The following CELF2 variants were observed in gnomAD, a reference collection of about 807,000 sequenced individuals.
CELF2 encodes the protein CUG triplet repeat RNA-binding protein 2.
CELF2 carries 8 observed loss-of-function variants against 62.6 expected under a neutral mutation model. That is an observed-to-expected ratio of 0.13 (90% CI 0.07 to 0.23). The LOEUF is 0.23. CELF2 is among the 10% of genes least tolerant of loss of function. CELF2 has a pLI of 1.00. For missense variants in CELF2, 333 were observed against 671.0 expected (o/e 0.50, Z 5.56); for synonymous variants, 258 against 250.0 (o/e 1.03, Z -0.30).
the CELF2 span, among the ~76,000 whole-genome samples, chr10:10,778,495 AAAAT>A: frequency 1.3e-5 from 2 of 152,244 alleles, no homozygotes; most frequent in East Asian, 1.9e-4. Flanking sequence ...GGGAGCTCAA[AAAAT>A]AAATAAAGTC....
At chr10:10,940,413 G>T (rs1417749269) in intron 2 of CELF2, among the ~76,000 whole-genome samples, 10 of 152,176 alleles carry the variant, frequency 6.6e-5, no homozygotes, top group Non-Finnish European at 1.5e-4. Flanking sequence ...CCTTTGTCAT[G>T]CAGGGAAAGG....
chr10:11,201,479 A>G (rs931962950), intron 2 of CELF2, among the ~76,000 whole-genome samples: 2 of 152,186 alleles, frequency 1.3e-5, no homozygotes, highest in Non-Finnish European at 2.9e-5. Flanking sequence ...GAAAGAAAGT[A>G]TGGAGGACTC....
chr10:10,463,415 G>T, the CELF2 span, among the ~76,000 whole-genome samples: 2 of 152,158 alleles, frequency 1.3e-5, no homozygotes, highest in Non-Finnish European at 2.9e-5. Flanking sequence ...AGACATTTCA[G>T]AATGTGTGAC....
the CELF2 span, among the ~76,000 whole-genome samples, chr10:10,741,188 T>A: frequency 6.6e-6 from 1 of 152,172 alleles, no homozygotes; most frequent in South Asian, 2.1e-4. Context: ...TCATGTTGTA[T>A]ACCTTAAATA....
At chr10:10,698,637 TC>T in the CELF2 span, among the ~76,000 whole-genome samples, 1 of 152,198 alleles carries the variant, frequency 6.6e-6, no homozygotes, top group African/African-American at 2.4e-5. Flanking sequence ...CACGTTTTGG[TC>T]TCAACTACTT....
chr10:10,985,485 C>T (rs2052639363), intron 2 of CELF2, among the ~76,000 whole-genome samples: 1 of 152,114 alleles, frequency 6.6e-6, no homozygotes, highest in African/African-American at 2.4e-5. Context: ...TTGTAAGACA[C>T]CCAACACAGA....
chr10:11,254,986 A>G (rs756684880), intron 4 of CELF2, among the ~76,000 whole-genome samples: 1 of 152,108 alleles, frequency 6.6e-6, no homozygotes, highest in Non-Finnish European at 1.5e-5. Context: ...CTCCCCCACC[A>G]GAATCCTCCC....
chr10:10,956,407 A>G (rs924185767), intron 2 of CELF2, among the ~76,000 whole-genome samples: 1 of 152,078 alleles, frequency 6.6e-6, no homozygotes, highest in African/African-American at 2.4e-5. Context: ...CTCCCTTTTT[A>G]GCAGTTATTT....
chr10:11,104,174 G>T (rs1220040172), intron 1 of CELF2, among the ~76,000 whole-genome samples: 1 of 152,160 alleles, frequency 6.6e-6, no homozygotes, highest in African/African-American at 2.4e-5. Flanking sequence ...ATATTTGGAG[G>T]AAGGTAATTT....
intron 1 of CELF2, among the ~76,000 whole-genome samples, chr10:11,131,170 G>A (rs1200984799): frequency 6.6e-6 from 1 of 152,164 alleles, no homozygotes; most frequent in Non-Finnish European, 1.5e-5. Flanking sequence ...ATTGAATTGG[G>A]CGTGATATCG....
chr10:10,827,082 A>G (rs1169131943), intron 1 of CELF2, among the ~76,000 whole-genome samples: 1 of 147,694 alleles, frequency 6.8e-6, no homozygotes, highest in Non-Finnish European at 1.5e-5. Flanking sequence ...TGGAAATTTT[A>G]TTGAGATCAA....
chr10:10,798,945 A>C, intron 1 of CELF2: 1 of 397,154 alleles, frequency 2.5e-6, no homozygotes, highest in Non-Finnish European at 4.4e-6. Context: ...AGGGATGCGC[A>C]GATCTGCTAG....
At chr10:10,812,296 T>C (rs2055984519) in intron 1 of CELF2, among the ~76,000 whole-genome samples, 1 of 152,154 alleles carries the variant, frequency 6.6e-6, no homozygotes, top group Non-Finnish European at 1.5e-5. Flanking sequence ...GTGAGACTTA[T>C]TCACTACCAT....
chr10:10,571,720 C>T, the CELF2 span, among the ~76,000 whole-genome samples: 8 of 152,060 alleles, frequency 5.3e-5, no homozygotes, highest in Non-Finnish European at 1.0e-4. Flanking sequence ...AAGGCTGAGT[C>T]GGACAGCAGA....
At chr10:10,660,450 T>G in the CELF2 span, among the ~76,000 whole-genome samples, 1 of 152,198 alleles carries the variant, frequency 6.6e-6, no homozygotes, top group Non-Finnish European at 1.5e-5. Flanking sequence ...ATGCTGTGGG[T>G]GTTTATTCCA....
chr10:10,507,108 G>A, the CELF2 span, among the ~76,000 whole-genome samples: 7 of 152,216 alleles, frequency 4.6e-5, no homozygotes, highest in East Asian at 9.7e-4. Flanking sequence ...TCATTTCAGC[G>A]ATCGCTGTCC....
At chr10:10,511,776 A>G in the CELF2 span, among the ~76,000 whole-genome samples, 1 of 152,244 alleles carries the variant, frequency 6.6e-6, no homozygotes, top group African/African-American at 2.4e-5. Context: ...TGTAAGAATC[A>G]GATGAATAAA....
chr10:11,144,192 C>T (rs1475510010), intron 1 of CELF2, among the ~76,000 whole-genome samples: 1 of 152,172 alleles, frequency 6.6e-6, no homozygotes, highest in Admixed American at 6.5e-5. Flanking sequence ...TTACAACTTA[C>T]TCTCGCTAAT....
chr10:10,809,768 T>C (rs2055647509), intron 1 of CELF2, among the ~76,000 whole-genome samples: 1 of 152,218 alleles, frequency 6.6e-6, no homozygotes, highest in Non-Finnish European at 1.5e-5. Context: ...CTGAAGTTTG[T>C]GAAAATAATG....
Sources: allele counts gnomAD v4.1 joint callset (sites outside exome capture counted in the v4.1 genomes callset), GRCh38; gene constraint gnomAD v4.1.1; transcripts MANE v1.5; gene names NCBI Gene and HGNC (gene_info 2026-07-23, HGNC 2026-07-21).